The following STPG2 variants were observed in gnomAD, a reference collection of about 807,000 sequenced individuals.
The protein encoded by STPG2 is sperm tail PG-rich repeat containing 2, also known as sperm-tail PG-rich repeat-containing protein 2.
Under a neutral mutation model 54.2 loss-of-function variants are expected in STPG2, and 56 were observed. The ratio of observed to expected loss-of-function variants is 1.03; its 90% CI spans 0.83 to 1.29. The LOEUF (loss-of-function observed/expected upper bound fraction) is 1.29, where lower values mean the gene tolerates loss of function less well. Ranked by LOEUF, STPG2 falls within the 50% of genes most tolerant of loss-of-function variation. The pLI, the probability that STPG2 is intolerant of heterozygous loss-of-function variation, is 0.00. For missense variants in STPG2, 596 were observed against 544.9 expected (o/e 1.09, Z -0.93); for synonymous variants, 200 against 181.8 (o/e 1.10, Z -0.81).
At chr4:97,740,828 C>A (rs1043170165) in intron 9 of STPG2, among the ~76,000 whole-genome samples, 5 of 152,120 alleles carry the variant, frequency 3.3e-5, no homozygotes, top group African/African-American at 4.8e-5. Context: ...CATCAAGCTA[C>A]CAATGACTTT....
intron 9 of STPG2, among the ~76,000 whole-genome samples, chr4:97,768,483 A>G (rs1578547876): frequency 6.6e-6 from 1 of 152,284 alleles, no homozygotes; most frequent in East Asian, 1.9e-4. Context: ...GTGGCCACAT[A>G]TACTTATTTA....
At chr4:97,529,220 T>C (rs1479549801) in intron 4 of STPG2, among the ~76,000 whole-genome samples, 1 of 152,246 alleles carries the variant, frequency 6.6e-6, no homozygotes, top group East Asian at 1.9e-4. Context: ...GAATGCCTTT[T>C]CTGCATCTAT....
At chr4:98,055,420 G>A (rs62321565) in intron 5 of STPG2, among the ~76,000 whole-genome samples, 59,258 of 151,840 alleles carry the variant, frequency 0.39, 11,785 homozygotes, top group Middle Eastern at 0.46. Context: ...TGGGCTGAAC[G>A]GAGAGAAAGC....
At chr4:97,866,574 T>C (rs1729789913) in intron 8 of STPG2, among the ~76,000 whole-genome samples, 1 of 151,994 alleles carries the variant, frequency 6.6e-6, no homozygotes. Flanking sequence ...TATCTCATTG[T>C]CTTCTGGCTT....
chr4:97,927,284 A>G (rs1386643910), intron 8 of STPG2, among the ~76,000 whole-genome samples: 1 of 152,118 alleles, frequency 6.6e-6, no homozygotes, highest in Non-Finnish European at 1.5e-5. Context: ...AAGAAATTTC[A>G]AGTCATTTGT....
At chr4:98,032,338 G>A (rs59329160) in intron 5 of STPG2, among the ~76,000 whole-genome samples, 1 of 152,084 alleles carries the variant, frequency 6.6e-6, no homozygotes, top group Middle Eastern at 3.4e-3. Flanking sequence ...TCAACGAGTG[G>A]AAAAAGAAAC....
chr4:97,722,360 C>T (rs1389781795), intron 9 of STPG2, among the ~76,000 whole-genome samples: 3 of 151,994 alleles, frequency 2.0e-5, no homozygotes, highest in Admixed American at 1.3e-4. Context: ...TTTCCCATGC[C>T]AATATGTTTT....
chr4:97,969,398 A>C (rs903781157), intron 7 of STPG2, among the ~76,000 whole-genome samples: 3 of 152,178 alleles, frequency 2.0e-5, no homozygotes, highest in African/African-American at 7.2e-5. Context: ...AAATGACCGT[A>C]AATCTCTCAC....
chr4:97,693,808 C>A (rs1458047868), intron 10 of STPG2, among the ~76,000 whole-genome samples: 1 of 152,090 alleles, frequency 6.6e-6, no homozygotes, highest in African/African-American at 2.4e-5. Context: ...CAAATTATAG[C>A]AAGTACTCTC....
chr4:98,134,062 T>C (rs1025071373), intron 2 of STPG2, among the ~76,000 whole-genome samples: 1 of 151,940 alleles, frequency 6.6e-6, no homozygotes, highest in Non-Finnish European at 1.5e-5. Context: ...ACAACTTCCA[T>C]GGGCCATAAT....
intron 4 of STPG2, among the ~76,000 whole-genome samples, chr4:97,541,819 C>A (rs1187905056): frequency 6.6e-6 from 1 of 152,128 alleles, no homozygotes; most frequent in Non-Finnish European, 1.5e-5. Flanking sequence ...TAATACCACA[C>A]ATCTACAACC....
At chr4:97,682,203 A>C (rs1040696481) in intron 10 of STPG2, among the ~76,000 whole-genome samples, 1 of 151,776 alleles carries the variant, frequency 6.6e-6, no homozygotes, top group Non-Finnish European at 1.5e-5. Context: ...ACCTCAAAAA[A>C]TATGTCATTT....
At chr4:98,124,674 A>C (rs1307520344) in intron 3 of STPG2, among the ~76,000 whole-genome samples, 1 of 152,012 alleles carries the variant, frequency 6.6e-6, no homozygotes, top group Non-Finnish European at 1.5e-5. Context: ...TATCTCATGT[A>C]GTATCTTACT....
At chr4:97,784,937 CT>C (rs1424015259) in intron 9 of STPG2, among the ~76,000 whole-genome samples, 1 of 151,916 alleles carries the variant, frequency 6.6e-6, no homozygotes, top group Non-Finnish European at 1.5e-5. Context: ...CTTTCTGTAT[CT>C]CTTCAAAGAA....
intron 5 of STPG2, chr4:98,025,402 T>C (rs377133177): frequency 5.4e-6 from 2 of 372,830 alleles, no homozygotes; most frequent in Admixed American, 3.2e-5. Flanking sequence ...TTGTTAAAGT[T>C]GTTAAGAATA....
chr4:97,783,758 T>C (rs533960718), intron 9 of STPG2, among the ~76,000 whole-genome samples: 2 of 152,244 alleles, frequency 1.3e-5, no homozygotes, highest in East Asian at 3.9e-4. Flanking sequence ...AAAGGATGAG[T>C]TCACATCCTT....
chr4:98,026,110 T>G, intron 5 of STPG2: 1 of 1,456,562 alleles, frequency 6.9e-7, no homozygotes, highest in South Asian at 1.2e-5. Flanking sequence ...AAGCTCATGC[T>G]GCTATACGAG....
intron 10 of STPG2, among the ~76,000 whole-genome samples, chr4:97,633,306 G>T (rs1412529938): frequency 1.3e-5 from 2 of 151,618 alleles, no homozygotes; most frequent in South Asian, 4.2e-4. Flanking sequence ...TTAAAAAGTT[G>T]GAATATTGTT....
intron 4 of STPG2, among the ~76,000 whole-genome samples, chr4:97,455,676 G>A (rs984998808): frequency 6.6e-5 from 10 of 152,166 alleles, no homozygotes; most frequent in Non-Finnish European, 1.5e-4. Context: ...AATTCTTCCA[G>A]TACACCAAGG....
Sources: allele counts gnomAD v4.1 joint callset (sites outside exome capture counted in the v4.1 genomes callset), GRCh38; gene constraint gnomAD v4.1.1; transcripts MANE v1.5; gene names NCBI Gene and HGNC (gene_info 2026-07-23, HGNC 2026-07-21).